The following LOXL2 variants were observed in gnomAD, a reference collection of about 807,000 sequenced individuals.
LOXL2 encodes the protein lysyl oxidase homolog 2.
Under a neutral mutation model 93.0 loss-of-function variants are expected in LOXL2, and 70 were observed. The observed-to-expected ratio is 0.75, with a 90% CI of 0.62 to 0.92. The LOEUF (loss-of-function observed/expected upper bound fraction) is 0.92, where lower values mean the gene tolerates loss of function less well. Ranked by LOEUF, LOXL2 falls within the 40% of genes least tolerant of loss-of-function variation. LOXL2 has a pLI of 0.00. For missense variants in LOXL2, 973 were observed against 1,054.9 expected (o/e 0.92, Z 1.08); for synonymous variants, 438 against 413.2 (o/e 1.06, Z -0.73).
At chr8:23,336,561 G>T (rs186679010) in intron 4 of LOXL2, 11 of 152,440 alleles carry the variant, frequency 7.2e-5, no homozygotes, top group East Asian at 5.8e-4. Flanking sequence ...TGGACTGTAG[G>T]AAGAACACGG....
At chr8:23,397,960 C>CAAAA (rs11295140) in intron 1 of LOXL2, among the ~76,000 whole-genome samples, 49 of 90,982 alleles carry the variant, frequency 5.4e-4, no homozygotes, top group Non-Finnish European at 8.1e-4. Context: ...GACTCTGTCT[C>CAAAA]AAAAAAAAAA....
At chr8:23,298,435 A>C (rs908518257) in intron 13 of LOXL2, among the ~76,000 whole-genome samples, 1 of 152,256 alleles carries the variant, frequency 6.6e-6, no homozygotes, top group African/African-American at 2.4e-5. Flanking sequence ...TCATCCAAGG[A>C]AAAAAGTGTC....
intron 1 of LOXL2, among the ~76,000 whole-genome samples, 195 bp from the exon 2 acceptor site, chr8:23,368,629 T>G (rs1804451343): frequency 6.6e-6 from 1 of 152,180 alleles, no homozygotes; most frequent in Non-Finnish European, 1.5e-5. Context: ...TTGTCATCTC[T>G]CTAGAATGCT....
chr8:23,324,697 G>A (rs778769472), intron 6 of LOXL2, among the ~76,000 whole-genome samples: 6 of 152,184 alleles, frequency 3.9e-5, no homozygotes, highest in Admixed American at 2.6e-4. Context: ...ACCACAAGGC[G>A]TGAGGCAGAA....
At chr8:23,330,670 C>A (rs1370492479) in intron 5 of LOXL2, among the ~76,000 whole-genome samples, 1 of 152,268 alleles carries the variant, frequency 6.6e-6, no homozygotes, top group Non-Finnish European at 1.5e-5. Context: ...TGCTTTAAAC[C>A]GCACAGTAGA....
chr8:23,344,580 T>C (rs1255503578), intron 3 of LOXL2, among the ~76,000 whole-genome samples: 2 of 152,058 alleles, frequency 1.3e-5, no homozygotes, highest in Admixed American at 6.6e-5. Context: ...TCTGGGATTG[T>C]GTGTCTCTGG....
intron 8 of LOXL2, among the ~76,000 whole-genome samples, chr8:23,318,446 CACACACACACACACAA>C (rs943777084): frequency 4.1e-5 from 6 of 146,344 alleles, no homozygotes; most frequent in Non-Finnish European, 5.9e-5. Flanking sequence ...CACACACACA[CACACACACACACACAA>C]AAATACACAT....
chr8:23,314,679 A>G (rs1803366262), intron 9 of LOXL2, among the ~76,000 whole-genome samples: 1 of 151,662 alleles, frequency 6.6e-6, no homozygotes, highest in Non-Finnish European at 1.5e-5. Flanking sequence ...GCACTGGGAG[A>G]TATACCTAAT....
intron 3 of LOXL2, among the ~76,000 whole-genome samples, chr8:23,349,723 A>C (rs1804059324): frequency 6.6e-6 from 1 of 152,012 alleles, no homozygotes; most frequent in Admixed American, 6.5e-5. Flanking sequence ...TAAGGGCAAA[A>C]CTGTGCCTTA....
intron 1 of LOXL2, among the ~76,000 whole-genome samples, chr8:23,394,267 C>T (rs1800058507): frequency 6.6e-6 from 1 of 151,892 alleles, no homozygotes; most frequent in African/African-American, 2.4e-5. Flanking sequence ...GTAGCGCGTG[C>T]CTGTAGTCCC....
chr8:23,365,821 G>A (rs1804391319), intron 2 of LOXL2: 3 of 152,276 alleles, frequency 2.0e-5, no homozygotes, highest in Admixed American at 1.3e-4. Context: ...CATCTGAACA[G>A]AGACTCGCAA....
chr8:23,336,878 T>C (rs1020215004), intron 4 of LOXL2: 6 of 152,140 alleles, frequency 3.9e-5, no homozygotes, highest in Non-Finnish European at 4.4e-5. Context: ...TTTGGAGAAC[T>C]GGGAGAAAGA....
At chr8:23,367,425 G>C (rs572352968) in intron 2 of LOXL2, among the ~76,000 whole-genome samples, 3 of 152,228 alleles carry the variant, frequency 2.0e-5, no homozygotes, top group Admixed American at 2.0e-4. Flanking sequence ...CTAACCAACG[G>C]TGAAAAACCC....
chr8:23,319,076 G>A (rs1275477118), intron 8 of LOXL2, among the ~76,000 whole-genome samples: 1 of 152,254 alleles, frequency 6.6e-6, no homozygotes, highest in Non-Finnish European at 1.5e-5. Context: ...GGGTCTCCAA[G>A]CATCTTCCCG....
rs55780832 is a variant in LOXL2 at position 23,371,751 on chromosome 8, C to CAAA, written c.-83-3320_-83-3318dup. 5.0e-4 allele frequency among the ~76,000 whole-genome samples: 22 copies of CAAA among 43,898 alleles called. 2 individuals are homozygous for CAAA. Among genetic ancestry groups the CAAA allele is most frequent in the East Asian group, 2.6e-3 (3 of 1,152 alleles). The allele number at this position is 43,898 out of a possible 152,430, so 28.8% of individuals were successfully genotyped here. On this transcript the variant is annotated intron_variant, in intron 1 of 13. Transcript: ENST00000389131. ...TGGGCGAAAGAGTGAGAGTCTGTCT[C>CAAA]AAAAAAAAAAAAAAAAAAAAAAAAA...
chr8:23,400,817 T>C (rs956023704), intron 1 of LOXL2, among the ~76,000 whole-genome samples: 4 of 152,172 alleles, frequency 2.6e-5, no homozygotes, highest in Non-Finnish European at 4.4e-5. Context: ...AATGAGGAAG[T>C]ACACTGCTCT....
chr8:23,328,870 A>C, intron 5 of LOXL2: 1 of 313,792 alleles, frequency 3.2e-6, no homozygotes, highest in East Asian at 6.8e-5. Context: ...ACCGTCGATC[A>C]CTCATCACCC....
chr8:23,380,421 AT>A (rs1193161100), intron 1 of LOXL2, among the ~76,000 whole-genome samples: 1 of 143,466 alleles, frequency 7.0e-6, no homozygotes, highest in Middle Eastern at 3.2e-3. Flanking sequence ...AGACATCTTA[AT>A]CTGTGGATTT....
chr8:23,398,462 A>C (rs1800121045), intron 1 of LOXL2, among the ~76,000 whole-genome samples: 1 of 152,218 alleles, frequency 6.6e-6, no homozygotes, highest in Admixed American at 6.5e-5. Context: ...TCCCAAGTGA[A>C]GGGATCAAAA....
Sources: allele counts gnomAD v4.1 joint callset (sites outside exome capture counted in the v4.1 genomes callset), GRCh38; gene constraint gnomAD v4.1.1; transcripts MANE v1.5; gene names NCBI Gene and HGNC (gene_info 2026-07-23, HGNC 2026-07-21).